SLC35F5: variants seen among roughly 807,000 people sequenced by gnomAD.
SLC35F5 encodes the protein solute carrier family 35 member F5.
Under a neutral mutation model 68.6 loss-of-function variants are expected in SLC35F5, and 54 were observed. The observed-to-expected ratio is 0.79, with a 90% CI of 0.63 to 0.99. The LOEUF is 0.99. Among genes scored for constraint, SLC35F5 ranks in the 50% least tolerant of loss-of-function variants. SLC35F5 has a pLI of 0.00. For missense variants in SLC35F5, 567 were observed against 626.9 expected (o/e 0.90, Z 1.02); for synonymous variants, 211 against 205.2 (o/e 1.03, Z -0.24).
At chr2:113,750,286 G>A (rs570904726) in intron 4 of SLC35F5, 139 bp downstream of exon 4, 11 of 723,734 alleles carry the variant, frequency 1.5e-5, no homozygotes, top group South Asian at 4.8e-5. Flanking sequence ...GACAAGAGCC[G>A]GTTTTCTTAT....
At chr2:113,727,906 A>G (rs1687729094) in intron 11 of SLC35F5, among the ~76,000 whole-genome samples, 1 of 152,196 alleles carries the variant, frequency 6.6e-6, no homozygotes, top group South Asian at 2.1e-4. Context: ...TGACCCAACC[A>G]CCTACCTATA....
In SLC35F5 at chr2:113,742,699, CA is replaced by C. The variant is rs577214214; in HGVS notation, c.742del (p.Cys248AlafsTer22). 2.0e-3 allele frequency: 2,716 copies of C among 1,330,876 alleles called. No homozygotes were observed. Among genetic ancestry groups the C allele is most frequent in the South Asian group, 8.2e-3 (567 of 69,200 alleles). 82.4% of individuals were successfully genotyped at this position (1,330,876 alleles called of 1,614,324 possible). On this transcript the variant is annotated frameshift_variant, in exon 7 of 16. Coordinates refer to ENST00000245680, the MANE Select transcript of SLC35F5 (RefSeq NM_025181.5). LOFTEE classifies it high-confidence loss of function. ...TQVAKISFFFCFVWFLANLSY... is the reference protein window; with the variant it reads ...TQVAKISFFFXFVWFLANLSY... Reference sequence around the variant, plus strand: ...ATATCATAAAAGACCTACCACAAAGCAAAAAAAAAAGCTAATTTTCGCTACT... The same window carrying C: ...ATATCATAAAAGACCTACCACAAAGCAAAAAAAAAGCTAATTTTCGCTACT...
At chr2:113,745,823 G>A (rs1000770629) in intron 5 of SLC35F5, among the ~76,000 whole-genome samples, 9 of 151,980 alleles carry the variant, frequency 5.9e-5, no homozygotes, top group African/African-American at 1.9e-4. Context: ...CTGTCCCCTC[G>A]CAAATACGCA....
rs947631455 is a variant in SLC35F5, at chr2:113,741,719, G to A, written c.750+973C>T. Among the ~76,000 whole-genome samples the A allele has an allele frequency of 4.1e-5, 6 of 145,050 alleles. No individual in the cohort carries two copies. The South Asian group carries it at 6.6e-4, about 16-fold the overall frequency. On this transcript the variant is annotated intron_variant, in intron 7 of 15. Coordinates refer to ENST00000245680, the MANE Select transcript of SLC35F5 (RefSeq NM_025181.5). Reference sequence around the variant, plus strand: ...TCCATTAAAAAAAAAAAAAAAGATCGAAATGGTATATTTTATGTATACTTT... The same window carrying A: ...TCCATTAAAAAAAAAAAAAAAGATCAAAATGGTATATTTTATGTATACTTT...
Position 113,710,895 on chromosome 2 carries a change from A to C in SLC35F5, c.*4323T>G, listed in dbSNP as rs1686963175. On this transcript the variant is annotated 3_prime_UTR_variant, in exon 16 of 16. Transcript: ENST00000245680. The stretch of plus-strand genomic sequence containing the variant: ...CACATGACTGACTTTATTATTAAAT[A>C]CTTGCTGTAATCACAACTAGGCATA... 6.6e-6 allele frequency among the ~76,000 whole-genome samples: 1 copy of C among 152,212 alleles called. No individual in the cohort carries two copies. Among genetic ancestry groups the C allele is most frequent in the South Asian group, 2.1e-4 (1 of 4,836 alleles).
intron 12 of SLC35F5, among the ~76,000 whole-genome samples, chr2:113,725,078 C>T (rs1687604978): frequency 6.6e-6 from 1 of 152,194 alleles, no homozygotes; most frequent in Non-Finnish European, 1.5e-5. Flanking sequence ...ATAATGACTA[C>T]TTTCATTTGC....
At chr2:113,729,331 G>A (rs768057612) in intron 11 of SLC35F5, 70 bp downstream of exon 11, 31 of 826,808 alleles carry the variant, frequency 3.7e-5, no homozygotes, top group Middle Eastern at 7.0e-4. Context: ...TATTCCCTCT[G>A]AAAAACAAAA....
intron 15 of SLC35F5, among the ~76,000 whole-genome samples, chr2:113,717,111 C>T (rs1176813802): frequency 2.0e-5 from 3 of 152,096 alleles, no homozygotes; most frequent in East Asian, 3.8e-4. Flanking sequence ...AAAATCTGTA[C>T]GTTACATTTA....
At chr2:113,718,563 A>G (rs906994441) in intron 14 of SLC35F5, among the ~76,000 whole-genome samples, 6 of 152,162 alleles carry the variant, frequency 3.9e-5, no homozygotes, top group African/African-American at 1.4e-4. Context: ...TGTAGTTACT[A>G]GGCAGGCAAA....
intron 11 of SLC35F5, among the ~76,000 whole-genome samples, chr2:113,726,580 T>C (rs1204195696): frequency 1.3e-5 from 2 of 152,162 alleles, no homozygotes; most frequent in Non-Finnish European, 2.9e-5. Context: ...TAGTTAAATC[T>C]TAACAGGGCA....
rs189606286 is a variant in SLC35F5 at position 113,743,628 on chromosome 2, T to C, written c.562+85A>G. On this transcript the variant is annotated intron_variant, in intron 6 of 15. Coordinates refer to ENST00000245680, the MANE Select transcript of SLC35F5 (RefSeq NM_025181.5). ...GACCACATGGAGCAGAACTGCTACA[T>C]GTTTCAGTCAACCCACATCATCACT... The C allele has an allele frequency of 7.1e-4, 723 of 1,019,164 alleles. 3 individuals carry two copies. The highest frequency in any genetic ancestry group is 5.2e-3 in the Middle Eastern group (25 of 4,768). The allele number at this position is 1,019,164 out of a possible 1,614,324, so 63.1% of individuals were successfully genotyped here. A position where few individuals can be genotyped will look rare whatever the true frequency, so the allele number is the denominator to read the frequency against.
chr2:113,741,443 G>A (rs992168653), intron 7 of SLC35F5, among the ~76,000 whole-genome samples: 3 of 152,214 alleles, frequency 2.0e-5, no homozygotes, highest in East Asian at 1.9e-4. Context: ...GCTCATGCCT[G>A]TAATCCCAAC....
At position 113,743,707 on chromosome 2, in the gene SLC35F5, G is replaced by A. The variant is rs747662887; in HGVS notation, c.562+6C>T. ...AACTTTCTACCCATTTCCAAGTTTT[G>A]CTTACTTTTTTCAGTATCAATGTTT... On this transcript the variant is annotated splice_donor_region_variant and intron_variant, in intron 6 of 15. Coordinates refer to ENST00000245680, the MANE Select transcript of SLC35F5 (RefSeq NM_025181.5). 4.4e-6 allele frequency: 7 copies of A among 1,606,484 alleles called. No homozygotes were observed. The highest frequency in any genetic ancestry group is 6.0e-6 in the Non-Finnish European group (7 of 1,175,982).
rs1686904940 is a variant in SLC35F5, at chr2:113,709,458, T to C, written c.*5760A>G. On this transcript the variant is annotated 3_prime_UTR_variant, in exon 16 of 16. Coordinates refer to ENST00000245680, the MANE Select transcript of SLC35F5 (RefSeq NM_025181.5). ...AGAAGAGTGAGGGAAGGACGGACCA[T>C]GGGAGTCAGCATTTTTCAAGCATCC... is the stretch of plus-strand genomic sequence containing the variant. 6.6e-6 allele frequency among the ~76,000 whole-genome samples: 1 copy of C among 152,202 alleles called. No individual in the cohort carries two copies. Among genetic ancestry groups the C allele is most frequent in the Non-Finnish European group, 1.5e-5 (1 of 68,028 alleles).
At chr2:113,731,196 T>C (rs1163360694) in intron 10 of SLC35F5, among the ~76,000 whole-genome samples, 2 of 152,088 alleles carry the variant, frequency 1.3e-5, no homozygotes, top group East Asian at 3.9e-4. Flanking sequence ...ACAAGAAGAC[T>C]GAGGAACACT....
chr2:113,742,608 C>T, intron 7 of SLC35F5, 84 bp downstream of exon 7: 5 of 1,369,508 alleles, frequency 3.7e-6, no homozygotes, highest in African/African-American at 2.9e-5. Flanking sequence ...TTGTCTCACA[C>T]TTCAATCCTA....
At chr2:113,716,752 G>A (rs927491109) in intron 15 of SLC35F5, among the ~76,000 whole-genome samples, 1 of 152,208 alleles carries the variant, frequency 6.6e-6, no homozygotes, top group Non-Finnish European at 1.5e-5. Context: ...GGGCAGGGAA[G>A]GGCAGGGGTA....
chr2:113,719,168 T>C lies in SLC35F5; in HGVS notation c.1482A>G (p.Lys494=). 1 of 1,606,014 alleles carries C rather than the reference T, an allele frequency of 6.2e-7. No homozygotes were observed. The highest frequency in any genetic ancestry group is 8.5e-7 in the Non-Finnish European group (1 of 1,178,372). ...IRRIFAFICR[K]HRIQRVPEDS... ...ACTAAACTTACCTCTGAATTCGATG[T>C]TTTCTGCATATAAAAGCAAATATTC... The change falls in exon 14 of 16, where the codon AAA becomes AAG. Residue 494 remains lysine (K), a synonymous_variant. Transcript: ENST00000245680.
At chr2:113,726,721 A>C (rs1270849277) in intron 11 of SLC35F5, among the ~76,000 whole-genome samples, 1 of 152,194 alleles carries the variant, frequency 6.6e-6, no homozygotes, top group Admixed American at 6.5e-5. Context: ...GCTCATGACT[A>C]ATTGATGGAG....
Sources: gnomAD v4.1 joint callset for allele counts (sites outside exome capture counted in the v4.1 genomes callset) on GRCh38, gnomAD v4.1.1 for gene constraint, MANE v1.5 for transcripts, NCBI Gene and HGNC (gene_info 2026-07-23, HGNC 2026-07-21) for gene names.